The following KCTD1 variants were observed in gnomAD, a reference collection of about 807,000 sequenced individuals.
KCTD1 encodes BTB/POZ domain-containing protein KCTD1.
Under a neutral mutation model 66.0 loss-of-function variants are expected in KCTD1, and 24 were observed. That is an observed-to-expected ratio of 0.36 (90% CI 0.26 to 0.51). The LOEUF (loss-of-function observed/expected upper bound fraction) is 0.51. KCTD1 is among the 20% of genes least tolerant of loss of function. The pLI is 0.95. For synonymous variants in KCTD1, 511 were observed against 517.2 expected (o/e 0.99, Z 0.16); for missense variants, 943 against 1,205.2 (o/e 0.78, Z 3.22).
chr18:26,620,348 TAAAAAAAAAAAAAAAAAAAAAAAAA>T (rs10594272), intron 1 of KCTD1, among the ~76,000 whole-genome samples: 1 of 87,214 alleles, frequency 1.1e-5, no homozygotes, highest in South Asian at 3.9e-4. Context: ...AGGTAAATCT[TAAAAAAAAAAAAAAAAAAAAAAAAA>T]AAAAAAAAAA....
chr18:26,585,134 G>C (rs1986444417), intron 1 of KCTD1, among the ~76,000 whole-genome samples: 1 of 152,162 alleles, frequency 6.6e-6, no homozygotes, highest in Admixed American at 6.5e-5. Context: ...GAGCCAAAGA[G>C]AAAAGTGAAC....
At chr18:26,518,555 C>T (rs1254293881) in intron 1 of KCTD1, among the ~76,000 whole-genome samples, 3 of 152,052 alleles carry the variant, frequency 2.0e-5, no homozygotes, top group Admixed American at 1.3e-4. Context: ...TGAGCCATGG[C>T]GCCCAGCCAA....
At chr18:26,549,602 G>C (rs1164006008), upstream of KCTD1, 1 of 787,614 alleles carries the variant, frequency 1.3e-6, no homozygotes. Context: ...CTCGGGCGAG[G>C]CGCTCCACCA....
upstream of KCTD1, among the ~76,000 whole-genome samples, chr18:26,553,083 T>C (rs142358639): frequency 0.022 from 3,291 of 151,676 alleles, 133 homozygotes; most frequent in African/African-American, 0.075. Flanking sequence ...CTCAACTTCC[T>C]GGGCTCAAGT....
At chr18:26,555,422 T>C (rs1300198631) in intron 1 of KCTD1, among the ~76,000 whole-genome samples, 2 of 152,146 alleles carry the variant, frequency 1.3e-5, no homozygotes, top group Admixed American at 1.3e-4. Flanking sequence ...TGAAACTCCG[T>C]CTCAAAAATG....
chr18:26,594,242 A>T (rs1236461830), intron 1 of KCTD1, among the ~76,000 whole-genome samples: 2 of 152,152 alleles, frequency 1.3e-5, no homozygotes, highest in African/African-American at 4.8e-5. Context: ...TGGGAGGGGA[A>T]GTTAGCCTAA....
At chr18:26,484,194 T>G (rs949861055) in intron 2 of KCTD1, among the ~76,000 whole-genome samples, 2 of 152,180 alleles carry the variant, frequency 1.3e-5, no homozygotes, top group African/African-American at 4.8e-5. Flanking sequence ...ATTTCATCTA[T>G]ATTTCATGAA....
chr18:26,640,511 G>T (rs1220139376), upstream of KCTD1, among the ~76,000 whole-genome samples: 1 of 152,116 alleles, frequency 6.6e-6, no homozygotes, highest in African/African-American at 2.4e-5. Context: ...CATGGAAGTA[G>T]GAATGACCTT....
intron 3 of KCTD1, among the ~76,000 whole-genome samples, chr18:26,469,414 T>C (rs1317190256): frequency 6.6e-6 from 1 of 152,186 alleles, no homozygotes; most frequent in African/African-American, 2.4e-5. Context: ...CTAACCTGAA[T>C]GCTCTTGGAG....
chr18:26,550,555 A>G (rs578025050), upstream of KCTD1, among the ~76,000 whole-genome samples: 1 of 105,472 alleles, frequency 9.5e-6, no homozygotes, highest in East Asian at 2.5e-4. This position sits in a 1 kb window ranked among gnomAD's most constrained non-coding sequence, Gnocchi z 5.4. Context: ...AGGGAAACAC[A>G]AGACACACAG....
At chr18:26,619,659 G>A (rs1987329994) in intron 1 of KCTD1, among the ~76,000 whole-genome samples, 1 of 152,164 alleles carries the variant, frequency 6.6e-6, no homozygotes, top group African/African-American at 2.4e-5. Context: ...TCAAGCCTGG[G>A]CAATGGGACC....
intron 2 of KCTD1, among the ~76,000 whole-genome samples, chr18:26,500,741 A>AGAAG (rs1194966904): frequency 1.3e-5 from 2 of 152,216 alleles, no homozygotes; most frequent in African/African-American, 4.8e-5. Flanking sequence ...ATGTTTTTAA[A>AGAAG]GAAGGAAGGA....
intron 1 of KCTD1, among the ~76,000 whole-genome samples, chr18:26,558,247 C>G (rs1482803733): frequency 6.6e-6 from 1 of 152,192 alleles, no homozygotes; most frequent in South Asian, 2.1e-4. Flanking sequence ...ATCAAAACTA[C>G]AATGAGATAT....
At chr18:26,645,894 T>C (rs1987919659) in intron 1 of KCTD1, among the ~76,000 whole-genome samples, 1 of 152,194 alleles carries the variant, frequency 6.6e-6, no homozygotes, top group Admixed American at 6.5e-5. Context: ...AATCTGTGTT[T>C]TAACAAGCTC....
upstream of KCTD1, among the ~76,000 whole-genome samples, chr18:26,552,164 A>T (rs1033999307): frequency 3.3e-5 from 5 of 152,204 alleles, no homozygotes; most frequent in African/African-American, 1.2e-4. Context: ...AAATAGTGAC[A>T]TGGTTATTTC....
intron 1 of KCTD1, among the ~76,000 whole-genome samples, chr18:26,600,714 G>A (rs1459948758): frequency 6.6e-6 from 1 of 151,784 alleles, no homozygotes; most frequent in Non-Finnish European, 1.5e-5. Flanking sequence ...CCTGCCCTGA[G>A]TCTCATCTCA....
At position 26,657,001 on chromosome 18, in the gene KCTD1, C is replaced by G. The variant is rs184670705; in HGVS notation, c.9+359G>C. Among the ~76,000 whole-genome samples the G allele has an allele frequency of 9.3e-3, 1,395 of 150,322 alleles. 26 individuals are homozygous for G. The highest frequency in any genetic ancestry group is 0.032 in the African/African-American group (1,330 of 41,098). On this transcript the variant is annotated intron_variant, in intron 1 of 4. Transcript: ENST00000580191. ...GCTCTGGCACGGGCTCCCAGAGCCA[C>G]GGCGGCTCCTCTCCGAGATCCGGAA...
At chr18:26,626,540 A>G (rs1017565409) in intron 1 of KCTD1, among the ~76,000 whole-genome samples, 1 of 146,378 alleles carries the variant, frequency 6.8e-6, no homozygotes, top group Non-Finnish European at 1.5e-5. Flanking sequence ...CAGTGGTGCA[A>G]TTACGGCTCA....
At chr18:26,603,430 TAA>T (rs57816578) in intron 1 of KCTD1, among the ~76,000 whole-genome samples, 14 of 131,054 alleles carry the variant, frequency 1.1e-4, no homozygotes, top group Non-Finnish European at 1.3e-4. Context: ...GAGACCCTGT[TAA>T]AAAAAAAAAA....
Sources: gnomAD v4.1 joint callset for allele counts (sites outside exome capture counted in the v4.1 genomes callset) on GRCh38, gnomAD v4.1.1 for gene constraint, Gnocchi (gnomAD v3.1) non-coding constraint, MANE v1.5 for transcripts, NCBI Gene and HGNC (gene_info 2026-07-23, HGNC 2026-07-21) for gene names.